Variants in PRPF4 observed in about 807,000 individuals in gnomAD.
PRPF4 encodes pre-mRNA splicing tri-snRNP complex factor PRPF4.
A neutral mutation model predicts 72.2 loss-of-function variants in PRPF4; 14 were observed. That is an observed-to-expected ratio of 0.19 (90% CI 0.13 to 0.30). PRPF4 has a LOEUF of 0.30. PRPF4 is among the 10% of genes least tolerant of loss of function. The probability of loss-of-function intolerance (pLI) is 1.00; values close to 1 mark genes in which losing one functional copy is unlikely to be tolerated. For missense variants in PRPF4, 478 were observed against 653.9 expected (o/e 0.73, Z 2.93); for synonymous variants, 225 against 232.2 (o/e 0.97, Z 0.28).
chr9:113,288,890 C>T (rs1344810715), intron 10 of PRPF4, among the ~76,000 whole-genome samples: 1 of 152,182 alleles, frequency 6.6e-6, no homozygotes, highest in Non-Finnish European at 1.5e-5. Context: ...GAGAACTTTT[C>T]CATTAAGTTA....
intron 2 of PRPF4, among the ~76,000 whole-genome samples, chr9:113,277,629 G>A (rs1265116182): frequency 1.3e-5 from 2 of 151,988 alleles, no homozygotes; most frequent in Middle Eastern, 3.4e-3. Context: ...CAAATGATCC[G>A]CCCACCTCGG....
At chr9:113,284,935 T>C (rs1218580462) in intron 7 of PRPF4, among the ~76,000 whole-genome samples, 2 of 152,138 alleles carry the variant, frequency 1.3e-5, no homozygotes, top group Non-Finnish European at 2.9e-5. Flanking sequence ...TGTTTGAGTT[T>C]GGTTGTGTTT....
rs1025086835 is a variant in PRPF4, at chr9:113,282,687, A to G, written c.434A>G (p.Lys145Arg). 1 of 1,612,406 alleles carries G rather than the reference A, an allele frequency of 6.2e-7. No homozygotes were observed. Among genetic ancestry groups the G allele is most frequent in the Admixed American group, 1.7e-5 (1 of 59,920 alleles). The part of the protein sequence containing the change: ...ILSVVGTDAL[K>R]KTKKDDEKSK... ...TCAGTTGTCGGTACTGATGCCTTGA[A>G]AAAGACCAAAAAGGATGATGAGAAG... is the stretch of plus-strand genomic sequence containing the variant. Residue 145 changes from lysine to arginine, a missense_variant, in exon 4 of 14, where the codon AAA becomes AGA. Coordinates refer to ENST00000374198, the MANE Select transcript of PRPF4 (RefSeq NM_001244926.2).
chr9:113,287,545 A>C (rs552114334), intron 9 of PRPF4, among the ~76,000 whole-genome samples: 85 of 151,446 alleles, frequency 5.6e-4, no homozygotes, highest in African/African-American at 1.9e-3. Context: ...TTAATTGTTT[A>C]GTTTTCTTTC....
At chr9:113,288,138 G>A in intron 9 of PRPF4, 37 bp from the exon 10 acceptor site, 2 of 1,584,796 alleles carry the variant, frequency 1.3e-6, no homozygotes, top group South Asian at 2.2e-5. Context: ...CTATTTATAT[G>A]TCTATAAAAT....
chr9:113,289,957 C>T (rs962124882), intron 10 of PRPF4, among the ~76,000 whole-genome samples: 1 of 152,134 alleles, frequency 6.6e-6, no homozygotes, highest in Non-Finnish European at 1.5e-5. Context: ...TGGTGGCTCA[C>T]ACCTATAATC....
At chr9:113,284,575 C>T (rs1231876811) in intron 7 of PRPF4, among the ~76,000 whole-genome samples, 186 bp downstream of exon 7, 1 of 152,188 alleles carries the variant, frequency 6.6e-6, no homozygotes, top group Non-Finnish European at 1.5e-5. Context: ...TTTAGCCGTT[C>T]TCGCTCTTCA....
chr9:113,278,880 T>TA (rs1832190680), intron 2 of PRPF4, 65 bp from the exon 3 acceptor site: 2 of 1,522,200 alleles, frequency 1.3e-6, no homozygotes, highest in Non-Finnish European at 1.8e-6. Context: ...AGACTGCAAT[T>TA]ACTAGAAATT....
chr9:113,287,484 C>CAA (rs879367982), intron 9 of PRPF4, among the ~76,000 whole-genome samples: 1 of 135,554 alleles, frequency 7.4e-6, no homozygotes. Flanking sequence ...GATTGTTTTC[C>CAA]AAAAAAAAAA....
chr9:113,281,009 T>G (rs1168166539), intron 3 of PRPF4, among the ~76,000 whole-genome samples: 1 of 151,992 alleles, frequency 6.6e-6, no homozygotes, highest in African/African-American at 2.4e-5. Flanking sequence ...CCTGGCTAAT[T>G]TCTGTATTTT....
intron 7 of PRPF4, 144 bp downstream of exon 7, chr9:113,284,533 T>G (rs974714567): frequency 2.9e-6 from 2 of 699,516 alleles, no homozygotes; most frequent in Non-Finnish European, 4.9e-6. Context: ...CAGTCAGTGC[T>G]CTACCTGTTG....
At chr9:113,279,714 G>A (rs1300836100) in intron 3 of PRPF4, among the ~76,000 whole-genome samples, 1 of 152,078 alleles carries the variant, frequency 6.6e-6, no homozygotes, top group Non-Finnish European at 1.5e-5. Flanking sequence ...ACTTGGAAGA[G>A]GGTGCTAACA....
rs754188596 is a variant in PRPF4 at position 113,282,661 on chromosome 9, C to G, written c.408C>G (p.Leu136=). 1 of 1,598,604 alleles carries G rather than the reference C, an allele frequency of 6.3e-7. No individual in the cohort carries two copies. The highest frequency in any genetic ancestry group is 1.1e-5 in the South Asian group (1 of 89,520). ...TTTTTAACAGGTTAAGAAATATCCTCTCAGTTGTCGGTACTGATGCCTTGA... is the reference window on the plus strand; with the variant it reads ...TTTTTAACAGGTTAAGAAATATCCTGTCAGTTGTCGGTACTGATGCCTTGA... ...AERRERLRNI[L]SVVGTDALKK... The change falls in exon 4 of 14, where the codon CTC becomes CTG. Residue 136 remains leucine (L), a synonymous_variant. Coordinates refer to ENST00000374198, the MANE Select transcript of PRPF4 (RefSeq NM_001244926.2).
intron 4 of PRPF4, 125 bp from the exon 5 acceptor site, chr9:113,283,007 C>T (rs1209962439): frequency 6.6e-7 from 1 of 1,520,362 alleles, no homozygotes; most frequent in African/African-American, 1.4e-5. Context: ...AAGTCCTCTG[C>T]CTGATTTCAT....
chr9:113,285,491 A>G (rs931386087), intron 7 of PRPF4, among the ~76,000 whole-genome samples: 47 of 147,910 alleles, frequency 3.2e-4, no homozygotes, highest in South Asian at 1.1e-3. Context: ...CCATTCTCCT[A>G]CCTCAGCCTC....
At chr9:113,285,200 GTC>G (rs1234987881) in intron 7 of PRPF4, among the ~76,000 whole-genome samples, 4 of 151,428 alleles carry the variant, frequency 2.6e-5, no homozygotes, top group African/African-American at 9.7e-5. Flanking sequence ...AAAATAAGAA[GTC>G]TCTAAAAAGT....
At chr9:113,282,548 C>A in intron 3 of PRPF4, 98 bp from the exon 4 acceptor site, 2 of 917,810 alleles carry the variant, frequency 2.2e-6, no homozygotes, top group Non-Finnish European at 1.6e-6. Flanking sequence ...CTTAGGGGAA[C>A]TTTAATAACA....
At position 113,283,226 on chromosome 9, in the gene PRPF4, C is replaced by CAGT; in HGVS notation, c.560+18_560+20dup. 6.2e-7 allele frequency: 1 copy of CAGT among 1,614,134 alleles called. No homozygotes were observed. The highest frequency in any genetic ancestry group is 8.5e-7 in the Non-Finnish European group (1 of 1,180,040). On this transcript the variant is annotated intron_variant, in intron 5 of 13. Transcript: ENST00000374198. ...TCGTTGCCCAGGTAAAGAGAGCCTC[C>CAGT]AGTAGAAGAAAGAAGCATATTTTTT...
chr9:113,283,250 TTG>T (rs1564249300), intron 5 of PRPF4, 39 bp downstream of exon 5: 2 of 1,614,086 alleles, frequency 1.2e-6, no homozygotes, highest in Non-Finnish European at 1.7e-6. Context: ...AGCATATTTT[TTG>T]TGTGTGTTTC....
Sources: allele counts gnomAD v4.1 joint callset (sites outside exome capture counted in the v4.1 genomes callset), GRCh38; gene constraint gnomAD v4.1.1; transcripts MANE v1.5; gene names NCBI Gene and HGNC (gene_info 2026-07-23, HGNC 2026-07-21).